Variants in CLCN3 observed in about 807,000 individuals in gnomAD.
CLCN3 encodes H(+)/Cl(-) exchange transporter 3.
In CLCN3, 16 loss-of-function variants were observed where a neutral mutation model predicts 83.4. That is an observed-to-expected ratio of 0.19 (90% CI 0.13 to 0.29). CLCN3 has a LOEUF of 0.29. Ranked by LOEUF, CLCN3 falls within the 10% of genes least tolerant of loss-of-function variation. The probability of loss-of-function intolerance (pLI) is 1.00; values close to 1 mark genes in which losing one functional copy is unlikely to be tolerated. For synonymous variants in CLCN3, 322 were observed against 346.2 expected, an observed-to-expected ratio of 0.93 and a Z score of 0.78; for missense variants, 544 against 1,006.0, an observed-to-expected ratio of 0.54 and a Z score of 6.21.
intron 12 of CLCN3, among the ~76,000 whole-genome samples, chr4:169,716,736 C>T (rs1162568805): frequency 9.2e-5 from 14 of 152,164 alleles, no homozygotes; most frequent in African/African-American, 3.4e-4. Flanking sequence ...CCTGCTCCCC[C>T]ACCTCCCACC....
rs558987518 is a variant in CLCN3 at position 169,673,071 on chromosome 4, C to A, written c.161-6979C>A. ...TTGTTATTGTTAGAAAACATAATAC[C>A]TTTAAAATTCCTTTTCACATTAGAA... is the stretch of plus-strand genomic sequence containing the variant. On this transcript the variant is annotated intron_variant, in intron 2 of 12. Transcript: ENST00000513761. Among the ~76,000 whole-genome samples, 44 of 152,272 alleles carry A rather than the reference C, an allele frequency of 2.9e-4. No homozygotes were observed. The South Asian group carries it at 8.9e-3, about 31-fold the overall frequency.
chr4:169,712,989 T>A, intron 11 of CLCN3, 90 bp from the exon 12 acceptor site: 1 of 884,772 alleles, frequency 1.1e-6, no homozygotes, highest in Non-Finnish European at 1.8e-6. Flanking sequence ...AGTCATAGGA[T>A]ACATTAATTT....
intron 1 of CLCN3, among the ~76,000 whole-genome samples, chr4:169,631,095 T>C (rs1773357362): frequency 1.3e-5 from 2 of 152,228 alleles, no homozygotes. Flanking sequence ...AAGCATTCCA[T>C]AGCCTTGCCA....
chr4:169,679,655 G>A (rs1307464793), intron 2 of CLCN3, among the ~76,000 whole-genome samples: 2 of 152,180 alleles, frequency 1.3e-5, no homozygotes, highest in African/African-American at 2.4e-5. Context: ...TTGGGAGGCC[G>A]AGGCGGGCAG....
At position 169,647,921 on chromosome 4, in the gene CLCN3, A is replaced by G. The variant is rs535314629; in HGVS notation, c.160+11833A>G. Among the ~76,000 whole-genome samples the G allele has an allele frequency of 3.3e-5, 5 of 152,346 alleles. No individual in the cohort carries two copies. The South Asian group carries it at 1.0e-3, about 32-fold the overall frequency. ...TCACCAGAGATAAATCATAGATATCATGTACTCTTGATATGTGACAAGAAG... is the reference window on the plus strand; with the variant it reads ...TCACCAGAGATAAATCATAGATATCGTGTACTCTTGATATGTGACAAGAAG... On this transcript the variant is annotated intron_variant, in intron 2 of 12. Transcript: ENST00000513761.
chr4:169,702,461 G>GC (rs1202138060), intron 9 of CLCN3, among the ~76,000 whole-genome samples: 1 of 152,162 alleles, frequency 6.6e-6, no homozygotes, highest in Non-Finnish European at 1.5e-5. Flanking sequence ...TTTTGTCTGA[G>GC]CAGTAGGTCT....
At chr4:169,696,672 G>A (rs1226290225) in intron 8 of CLCN3, among the ~76,000 whole-genome samples, 2 of 152,034 alleles carry the variant, frequency 1.3e-5, no homozygotes, top group African/African-American at 4.8e-5. Context: ...CATACCCGTT[G>A]ACTAATGTCT....
intron 8 of CLCN3, among the ~76,000 whole-genome samples, chr4:169,696,573 A>G (rs1732572274): frequency 6.6e-6 from 1 of 151,996 alleles, no homozygotes; most frequent in South Asian, 2.1e-4. Flanking sequence ...ATCCTCTTTT[A>G]GCTATTTTGA....
intron 2 of CLCN3, chr4:169,659,960 T>G: frequency 1.3e-6 from 1 of 773,928 alleles, no homozygotes; most frequent in Non-Finnish European, 1.6e-6. Context: ...TTCCCCTTTA[T>G]ATTTATCTTA....
At chr4:169,686,666 C>T (rs1392374406) in intron 3 of CLCN3, among the ~76,000 whole-genome samples, 2 of 152,170 alleles carry the variant, frequency 1.3e-5, no homozygotes, top group African/African-American at 2.4e-5. Flanking sequence ...CCACCTGCTT[C>T]GGACTCCCAA....
chr4:169,669,436 CTA>C (rs879881197), intron 2 of CLCN3, among the ~76,000 whole-genome samples: 1 of 152,086 alleles, frequency 6.6e-6, no homozygotes, highest in Non-Finnish European at 1.5e-5. Flanking sequence ...CTACAGTGAG[CTA>C]TGTTTCCACC....
At chr4:169,622,737 G>A (rs1461859566) in intron 1 of CLCN3, among the ~76,000 whole-genome samples, 2 of 152,150 alleles carry the variant, frequency 1.3e-5, no homozygotes, top group Non-Finnish European at 2.9e-5. Flanking sequence ...GTAACTGTCA[G>A]AACTGAGACT....
intron 1 of CLCN3, among the ~76,000 whole-genome samples, chr4:169,635,229 T>G (rs1362283231): frequency 1.3e-5 from 2 of 152,174 alleles, no homozygotes; most frequent in Non-Finnish European, 2.9e-5. Context: ...AAAAGTCTAT[T>G]ACTAATGTCC....
At chr4:169,668,043 A>ATTTTTT (rs60739106) in intron 2 of CLCN3, among the ~76,000 whole-genome samples, 2 of 82,340 alleles carry the variant, frequency 2.4e-5, no homozygotes, top group African/African-American at 4.7e-5. Flanking sequence ...CCGGCCAGAC[A>ATTTTTT]TTTTTTTTTT....
Position 169,672,727 on chromosome 4 carries a change from A to G in CLCN3, c.161-7323A>G, listed in dbSNP as rs545172437. On this transcript the variant is annotated intron_variant, in intron 2 of 12. Coordinates refer to ENST00000513761, the MANE Select transcript of CLCN3 (RefSeq NM_001829.4). ...CACCCAGGCTAGAGTGCAGTGGTGC[A>G]ATCTCGGCTCACTGCAACCTTCGCC... 1.3e-3 allele frequency among the ~76,000 whole-genome samples: 200 copies of G among 152,028 alleles called. 2 individuals carry two copies. The highest frequency in any genetic ancestry group is 3.7e-4 in the Non-Finnish European group (25 of 67,972).
Position 169,638,695 on chromosome 4 carries a change from C to G in CLCN3, c.160+2607C>G, listed in dbSNP as rs1730311187. Among the ~76,000 whole-genome samples, 4 of 152,128 alleles carry G rather than the reference C, an allele frequency of 2.6e-5. 1 individual carries two copies. The South Asian group carries it at 8.3e-4, about 32-fold the overall frequency. On this transcript the variant is annotated intron_variant, in intron 2 of 12. Coordinates refer to ENST00000513761, the MANE Select transcript of CLCN3 (RefSeq NM_001829.4). ...CACCTTCCCACGTTGCCGTCAAGTGCTGGTGATGTCTTTACTCATGGTCTT... is the reference window on the plus strand; with the variant it reads ...CACCTTCCCACGTTGCCGTCAAGTGGTGGTGATGTCTTTACTCATGGTCTT...
intron 2 of CLCN3, among the ~76,000 whole-genome samples, chr4:169,653,888 C>T (rs2150214295): frequency 6.6e-6 from 1 of 152,142 alleles, no homozygotes; most frequent in East Asian, 1.9e-4. Context: ...GTGAGGGCAC[C>T]AAGCCATTCA....
At chr4:169,662,190 C>T (rs1402167264) in intron 2 of CLCN3, among the ~76,000 whole-genome samples, 2 of 152,126 alleles carry the variant, frequency 1.3e-5, no homozygotes, top group Non-Finnish European at 2.9e-5. Context: ...TTCTATTATA[C>T]TTTCATAAAT....
intron 11 of CLCN3, among the ~76,000 whole-genome samples, chr4:169,709,504 T>C (rs947472157): frequency 3.3e-5 from 5 of 151,688 alleles, no homozygotes; most frequent in Admixed American, 3.3e-4. Flanking sequence ...GCCAATGTGG[T>C]GAAATCCCGC....
Sources: gnomAD v4.1 joint callset for allele counts (sites outside exome capture counted in the v4.1 genomes callset) on GRCh38, gnomAD v4.1.1 for gene constraint, MANE v1.5 for transcripts, NCBI Gene and HGNC (gene_info 2026-07-23, HGNC 2026-07-21) for gene names.